The following VPS13B variants were observed in gnomAD, a reference collection of about 807,000 sequenced individuals.
VPS13B encodes the protein intermembrane lipid transfer protein VPS13B.
Under a neutral mutation model 426.4 loss-of-function variants are expected in VPS13B, and 285 were observed. That is an observed-to-expected ratio of 0.67 (90% CI 0.61 to 0.74). The LOEUF (loss-of-function observed/expected upper bound fraction) is 0.74. Among genes scored for constraint, VPS13B ranks in the 30% least tolerant of loss-of-function variants. The pLI is 0.00. For synonymous variants in VPS13B, 1,676 were observed against 1,676.4 expected (o/e 1.00, Z 0.01); for missense variants, 4,537 against 4,782.6 (o/e 0.95, Z 1.51).
intron 19 of VPS13B, among the ~76,000 whole-genome samples, chr8:99,374,915 T>C (rs1813401321): frequency 6.6e-6 from 1 of 152,198 alleles, no homozygotes; most frequent in Admixed American, 6.5e-5. Context: ...TCTTAGTGCT[T>C]CTTTCTTTCT....
chr8:99,418,506 T>TC (rs1310681087), intron 21 of VPS13B, among the ~76,000 whole-genome samples: 5 of 139,650 alleles, frequency 3.6e-5, no homozygotes, highest in Admixed American at 1.5e-4. Context: ...TTTCTTTCTT[T>TC]CTTTCTTTCC....
At chr8:99,066,265 C>T (rs1378926551) in intron 3 of VPS13B, among the ~76,000 whole-genome samples, 2 of 152,216 alleles carry the variant, frequency 1.3e-5, no homozygotes, top group Admixed American at 6.5e-5. Flanking sequence ...TACAAGGCTA[C>T]AGTAACCAAA....
chr8:99,505,799 A>G (rs954046263), intron 27 of VPS13B, among the ~76,000 whole-genome samples: 8 of 152,196 alleles, frequency 5.3e-5, no homozygotes, highest in Admixed American at 1.3e-4. Flanking sequence ...GTAAAACATA[A>G]TATCTGCACT....
chr8:99,701,725 A>C (rs79829129), intron 36 of VPS13B, among the ~76,000 whole-genome samples: 6,312 of 152,262 alleles, frequency 0.041, 142 homozygotes, highest in East Asian at 0.056. Flanking sequence ...ATTTGCATCA[A>C]GTCAAATCAG....
In VPS13B at chr8:99,823,948, A is replaced by T. The variant is rs143974238; in HGVS notation, c.9300A>T (p.Leu3100=). 19 of 1,613,090 alleles carry T rather than the reference A, an allele frequency of 1.2e-5. No homozygotes were observed. Among genetic ancestry groups the T allele is most frequent in the Non-Finnish European group, 1.6e-5 (19 of 1,179,872 alleles). Residue 3100 remains leucine, a synonymous_variant, in exon 51 of 62, where the codon CTA becomes CTT. Transcript: ENST00000357162. ...TPYQIFYKPQ[L]SVCNPHSGKE... is the part of the protein sequence containing the mutation. ...ATCAAATATTTTATAAACCACAGCT[A>T]TCTGTCTGCAATCCCCATTCTGGAA... is the stretch of plus-strand genomic sequence containing the variant.
At chr8:99,075,187 G>A (rs1310392883) in intron 3 of VPS13B, among the ~76,000 whole-genome samples, 1 of 152,144 alleles carries the variant, frequency 6.6e-6, no homozygotes, top group African/African-American at 2.4e-5. Flanking sequence ...TTCTTGCGAT[G>A]TTATAAAGGA....
At chr8:99,224,556 A>C (rs990292800) in intron 17 of VPS13B, among the ~76,000 whole-genome samples, 8 of 152,126 alleles carry the variant, frequency 5.3e-5, no homozygotes, top group Non-Finnish European at 4.4e-5. Context: ...CTAATTAATT[A>C]TATTAATCTG....
At chr8:99,043,457 C>T (rs995909986) in intron 3 of VPS13B, among the ~76,000 whole-genome samples, 4 of 152,092 alleles carry the variant, frequency 2.6e-5, no homozygotes, top group African/African-American at 7.2e-5. Flanking sequence ...CTGTGTTTAT[C>T]GTCACTGTTA....
At chr8:99,868,713 G>A (rs968934618) in intron 59 of VPS13B, among the ~76,000 whole-genome samples, 4 of 152,188 alleles carry the variant, frequency 2.6e-5, no homozygotes, top group East Asian at 1.9e-4. Flanking sequence ...AGACTGTAAC[G>A]AAAAGTAACC....
At chr8:99,084,839 T>C (rs995058376) in intron 3 of VPS13B, among the ~76,000 whole-genome samples, 8 of 152,190 alleles carry the variant, frequency 5.3e-5, no homozygotes. Context: ...TAATTACTGT[T>C]CTTTTACATT....
intron 33 of VPS13B, among the ~76,000 whole-genome samples, chr8:99,603,386 T>A (rs1827415524): frequency 6.6e-6 from 1 of 152,234 alleles, no homozygotes. Context: ...AAAGTTTAAC[T>A]TATAAATTAG....
At chr8:99,289,194 T>C (rs995037235) in intron 19 of VPS13B, among the ~76,000 whole-genome samples, 1 of 152,152 alleles carries the variant, frequency 6.6e-6, no homozygotes, top group South Asian at 2.1e-4. Context: ...TAATGGAAAC[T>C]AATGGAAGTT....
At chr8:99,140,099 G>T (rs904183278) in intron 12 of VPS13B, among the ~76,000 whole-genome samples, 1 of 152,112 alleles carries the variant, frequency 6.6e-6, no homozygotes, top group Non-Finnish European at 1.5e-5. Context: ...GAGCGTGGTG[G>T]CTCATGCCTG....
intron 33 of VPS13B, among the ~76,000 whole-genome samples, chr8:99,592,110 T>C (rs989896873): frequency 6.6e-6 from 1 of 152,068 alleles, no homozygotes; most frequent in African/African-American, 2.4e-5. Context: ...TTGAATCAGC[T>C]ACTGAAGCTT....
chr8:99,815,763 C>T (rs1454876525), intron 44 of VPS13B, among the ~76,000 whole-genome samples: 1 of 152,118 alleles, frequency 6.6e-6, no homozygotes, highest in Non-Finnish European at 1.5e-5. Flanking sequence ...GAAGGATTTG[C>T]TTTGTGAAAG....
At chr8:99,281,923 T>C (rs976841703) in intron 19 of VPS13B, among the ~76,000 whole-genome samples, 2 of 152,210 alleles carry the variant, frequency 1.3e-5, no homozygotes, top group African/African-American at 4.8e-5. Context: ...ACCATAAGTT[T>C]ATATCTTTCT....
At chr8:99,525,752 T>C (rs1307697605) in intron 30 of VPS13B, among the ~76,000 whole-genome samples, 1 of 152,080 alleles carries the variant, frequency 6.6e-6, no homozygotes, top group Non-Finnish European at 1.5e-5. Flanking sequence ...TATGGTATAC[T>C]AGAATTTAAT....
At position 99,641,885 on chromosome 8, in the gene VPS13B, T is replaced by C. The variant is rs139459037; in HGVS notation, c.5295T>C (p.Gly1765=). The C allele has an allele frequency of 6.8e-6, 11 of 1,613,974 alleles. No individual in the cohort carries two copies. The African/African-American group carries it at 1.2e-4, about 18-fold the overall frequency. The change falls in exon 34 of 62, where the codon GGT becomes GGC. Residue 1765 remains glycine (G), a synonymous_variant. Transcript: ENST00000357162. ...CTGAAACCTCATCTCGCTACAGTGG[T>C]GCTCAGGATAGTGGAATTGGCAGTG... ...GMAETSSRYS[G]AQDSGIGSDS... is the part of the protein sequence containing the mutation.
At position 99,511,371 on chromosome 8, in the gene VPS13B, C is replaced by CA. The variant is rs386834089; in HGVS notation, c.4497dup (p.Glu1500ArgfsTer45). On this transcript the variant is annotated frameshift_variant, in exon 29 of 62. Coordinates refer to ENST00000357162, the MANE Select transcript of VPS13B (RefSeq NM_152564.5). LOFTEE classifies it high-confidence loss of function. Reference sequence around the variant, plus strand: ...ATTTCAAGCAAAACTACCAAAGACCCAAAAAGAGAAAAGAAAATCTCCTGG... The same window carrying CA: ...ATTTCAAGCAAAACTACCAAAGACCCAAAAAAGAGAAAAGAAAATCTCCTGG... 5 of 1,613,806 alleles carry CA rather than the reference C, an allele frequency of 3.1e-6. No homozygotes were observed. The highest frequency in any genetic ancestry group is 3.4e-6 in the Non-Finnish European group (4 of 1,179,944).
Sources: gnomAD v4.1 joint callset for allele counts (sites outside exome capture counted in the v4.1 genomes callset) on GRCh38, gnomAD v4.1.1 for gene constraint, MANE v1.5 for transcripts, NCBI Gene and HGNC (gene_info 2026-07-23, HGNC 2026-07-21) for gene names.